Variants in CFAP20DC observed in about 807,000 individuals in gnomAD.
CFAP20DC encodes protein CFAP20DC.
CFAP20DC carries 84 observed loss-of-function variants against 101.7 expected under a neutral mutation model. The observed-to-expected ratio is 0.83, with a 90% CI of 0.69 to 0.99. The LOEUF (loss-of-function observed/expected upper bound fraction) is 0.99, where lower values mean the gene tolerates loss of function less well. CFAP20DC is among the 50% of genes least tolerant of loss of function. The probability of loss-of-function intolerance (pLI) is 0.00; values close to 1 mark genes in which losing one functional copy is unlikely to be tolerated. For missense variants in CFAP20DC, 1,007 were observed against 970.3 expected (o/e 1.04, Z -0.50); for synonymous variants, 359 against 351.2 (o/e 1.02, Z -0.25).
chr3:58,780,388 T>C (rs886849087), intron 15 of CFAP20DC, among the ~76,000 whole-genome samples: 3 of 152,032 alleles, frequency 2.0e-5, no homozygotes, highest in Non-Finnish European at 2.9e-5. Context: ...ACAAAGGATA[T>C]GTAAAACAAC....
chr3:58,982,962 G>C (rs2092622839), intron 4 of CFAP20DC, among the ~76,000 whole-genome samples: 1 of 152,126 alleles, frequency 6.6e-6, no homozygotes, highest in Admixed American at 6.5e-5. Context: ...GAAATTTAGT[G>C]TGGGTTGGAT....
intron 14 of CFAP20DC, among the ~76,000 whole-genome samples, chr3:58,813,374 A>T (rs2074831204): frequency 6.6e-6 from 1 of 151,974 alleles, no homozygotes; most frequent in African/African-American, 2.4e-5. Flanking sequence ...TGTGGTTAGC[A>T]ACAATGCGAT....
chr3:58,723,523 A>G (rs1427110110), intron 3 of CFAP20DC, among the ~76,000 whole-genome samples: 2 of 152,244 alleles, frequency 1.3e-5, no homozygotes, highest in East Asian at 3.8e-4. Context: ...TTTGAAAACA[A>G]GAAGGATTCT....
intron 14 of CFAP20DC, among the ~76,000 whole-genome samples, chr3:58,810,959 T>C (rs911127797): frequency 2.0e-5 from 3 of 152,006 alleles, no homozygotes; most frequent in Non-Finnish European, 2.9e-5. Flanking sequence ...GCACAATTGC[T>C]TCAAAGAGAA....
chr3:58,808,155 G>T (rs1001602606), intron 14 of CFAP20DC, among the ~76,000 whole-genome samples: 1 of 152,220 alleles, frequency 6.6e-6, no homozygotes, highest in Non-Finnish European at 1.5e-5. Flanking sequence ...ATATTATCCA[G>T]GAGAACTTCC....
At chr3:58,820,699 G>A (rs753730321) in intron 14 of CFAP20DC, among the ~76,000 whole-genome samples, 5,097 of 149,386 alleles carry the variant, frequency 0.034, 117 homozygotes, top group Non-Finnish European at 0.054. Context: ...AATCAATATC[G>A]TGAAAATGGC....
At chr3:58,855,229 T>A (rs1171517882) in intron 12 of CFAP20DC, among the ~76,000 whole-genome samples, 1 of 151,992 alleles carries the variant, frequency 6.6e-6, no homozygotes, top group African/African-American at 2.4e-5. Flanking sequence ...AAAAAACACA[T>A]GAAAAAATGC....
chr3:59,003,812 C>A (rs2093369228), intron 4 of CFAP20DC, among the ~76,000 whole-genome samples: 1 of 152,128 alleles, frequency 6.6e-6, no homozygotes, highest in Non-Finnish European at 1.5e-5. Context: ...ATAATGAAAA[C>A]AACACATAGT....
At chr3:58,931,229 G>A (rs574428442) in intron 5 of CFAP20DC, among the ~76,000 whole-genome samples, 39 of 152,198 alleles carry the variant, frequency 2.6e-4, no homozygotes, top group Non-Finnish European at 2.9e-4. Flanking sequence ...AGGGGTGCGC[G>A]CCATTGCCCA....
At chr3:58,796,190 C>G (rs1251330360) in intron 15 of CFAP20DC, among the ~76,000 whole-genome samples, 1 of 152,110 alleles carries the variant, frequency 6.6e-6, no homozygotes, top group African/African-American at 2.4e-5. Flanking sequence ...GTACCAAGAG[C>G]AGAGGAGGGA....
At chr3:58,739,116 T>C (rs531367275), downstream of CFAP20DC, among the ~76,000 whole-genome samples, 59 of 152,320 alleles carry the variant, frequency 3.9e-4, 1 homozygote, top group South Asian at 0.012. Context: ...CAAAAGTGTC[T>C]ATGTATTATG....
chr3:59,005,299 A>G (rs970581311), intron 4 of CFAP20DC, among the ~76,000 whole-genome samples: 2 of 152,174 alleles, frequency 1.3e-5, no homozygotes, highest in East Asian at 3.8e-4. Context: ...GTCCAGCCAC[A>G]TGCACAGTTC....
chr3:58,762,867 C>G (rs1465982236), intron 15 of CFAP20DC, among the ~76,000 whole-genome samples: 1 of 152,184 alleles, frequency 6.6e-6, no homozygotes, highest in East Asian at 1.9e-4. Context: ...ATATTGGCCC[C>G]CACTCTCTTC....
At chr3:58,985,046 G>A (rs1227277114) in intron 4 of CFAP20DC, among the ~76,000 whole-genome samples, 2 of 152,050 alleles carry the variant, frequency 1.3e-5, no homozygotes, top group African/African-American at 2.4e-5. Context: ...GAGGCACTAG[G>A]ACTGGAGGAC....
chr3:58,782,252 A>G (rs1020540926), intron 15 of CFAP20DC, among the ~76,000 whole-genome samples: 2 of 151,978 alleles, frequency 1.3e-5, no homozygotes, highest in Non-Finnish European at 1.5e-5. Context: ...CATGATAAAA[A>G]CAACAAACTA....
At chr3:58,739,500 G>A (rs2067833434), downstream of CFAP20DC, among the ~76,000 whole-genome samples, 1 of 152,202 alleles carries the variant, frequency 6.6e-6, no homozygotes, top group Non-Finnish European at 1.5e-5. Context: ...GTCTTAAAAT[G>A]AAAACTAATA....
chr3:58,753,081 C>G (rs2068688736), intron 16 of CFAP20DC, among the ~76,000 whole-genome samples: 1 of 152,168 alleles, frequency 6.6e-6, no homozygotes, highest in South Asian at 2.1e-4. Flanking sequence ...ACCACGCACA[C>G]CTGACAGTCA....
rs2091942683 is a variant in CFAP20DC at position 58,971,443 on chromosome 3, C to A, written c.279-33681G>T. ...ACATTCACTCTTTAGATCTTTCTAT[C>A]CTTCCTCACCTATGCTCTCCAGAAT... is the stretch of plus-strand genomic sequence containing the variant. On this transcript the variant is annotated intron_variant, in intron 4 of 16. Coordinates refer to ENST00000482387, the MANE Select transcript of CFAP20DC (RefSeq NM_001394063.1). This position sits in a 1 kb window ranked among gnomAD's most constrained non-coding sequence, Gnocchi z 4.1. 6.6e-6 allele frequency among the ~76,000 whole-genome samples: 1 copy of A among 152,156 alleles called. No individual in the cohort carries two copies. The highest frequency in any genetic ancestry group is 1.5e-5 in the Non-Finnish European group (1 of 68,026).
At chr3:58,995,970 T>C (rs887493699) in intron 4 of CFAP20DC, among the ~76,000 whole-genome samples, 1 of 108,250 alleles carries the variant, frequency 9.2e-6, no homozygotes, top group Non-Finnish European at 1.9e-5. Flanking sequence ...CAATTCTGTA[T>C]AATAAATCTA....
Sources: allele counts gnomAD v4.1 joint callset (sites outside exome capture counted in the v4.1 genomes callset), GRCh38; gene constraint gnomAD v4.1.1; non-coding constraint Gnocchi (gnomAD v3.1); transcripts MANE v1.5; gene names NCBI Gene and HGNC (gene_info 2026-07-23, HGNC 2026-07-21).